The following MBD5 variants were observed in gnomAD, a reference collection of about 807,000 sequenced individuals.
MBD5 encodes methyl-CpG-binding domain protein 5.
Under a neutral mutation model 117.3 loss-of-function variants are expected in MBD5, and 13 were observed. The observed-to-expected ratio is 0.11, with a 90% CI of 0.07 to 0.18. The LOEUF is 0.18. Ranked by LOEUF, MBD5 falls within the 10% of genes least tolerant of loss-of-function variation. The probability of loss-of-function intolerance (pLI) is 1.00; values close to 1 mark genes in which losing one functional copy is unlikely to be tolerated. For synonymous variants in MBD5, 727 were observed against 766.4 expected (o/e 0.95, Z 0.85); for missense variants, 1,879 against 2,093.8 (o/e 0.90, Z 2.00).
chr2:148,075,094 A>G (rs888689006), intron 1 of MBD5, among the ~76,000 whole-genome samples: 3 of 152,112 alleles, frequency 2.0e-5, no homozygotes, highest in African/African-American at 7.2e-5. Flanking sequence ...GCTTTGTGGG[A>G]AGAGATTATT....
At chr2:148,274,927 T>C (rs903768270) in intron 3 of MBD5, among the ~76,000 whole-genome samples, 3 of 152,126 alleles carry the variant, frequency 2.0e-5, no homozygotes, top group African/African-American at 7.2e-5. Context: ...TTCACCATGT[T>C]AGCCAGACTG....
rs746401724 is a variant in MBD5, at chr2:148,468,594, C to G, written c.651C>G (p.Ser217Arg). The G allele has an allele frequency of 1.9e-6, 3 of 1,613,880 alleles. No individual in the cohort carries two copies. Among genetic ancestry groups the G allele is most frequent in the Admixed American group, 1.7e-5 (1 of 59,968 alleles). ...GACAGAAATCTCCATTCCGTGGCAG[C>G]CATGGAGGCCTGCCCAGCCCAGCGT... ...EHGQKSPFRG[S>R]HGGLPSPASS... is the part of the protein sequence containing the mutation. The change falls in exon 8 of 14, where the codon AGC becomes AGG. Residue 217 changes from serine (S) to arginine (R), a missense_variant. Ser to Arg is a moderately radical substitution (Grantham distance 110). Transcript: ENST00000642680.
intron 1 of MBD5, among the ~76,000 whole-genome samples, chr2:148,170,709 A>AAT (rs777236575): frequency 5.3e-5 from 8 of 152,226 alleles, no homozygotes; most frequent in Non-Finnish European, 1.2e-4. Context: ...GATATAATCC[A>AAT]ATAGCTCAGG....
At chr2:148,419,203 A>G (rs1574404035) in intron 4 of MBD5, among the ~76,000 whole-genome samples, 1 of 152,168 alleles carries the variant, frequency 6.6e-6, no homozygotes, top group East Asian at 1.9e-4. Context: ...CTGGATCCCT[A>G]TCTCTTTCCA....
intron 3 of MBD5, among the ~76,000 whole-genome samples, chr2:148,297,940 C>A (rs776262677): frequency 6.6e-6 from 1 of 152,170 alleles, no homozygotes; most frequent in Non-Finnish European, 1.5e-5. Context: ...TTCTCCTCCC[C>A]CTGGGCAAAA....
chr2:148,438,642 G>A (rs898583220), intron 4 of MBD5, among the ~76,000 whole-genome samples: 6 of 152,090 alleles, frequency 3.9e-5, no homozygotes, highest in Non-Finnish European at 5.9e-5. Flanking sequence ...AGATTTATTA[G>A]GGGACTTGGC....
chr2:148,098,687 T>A (rs1696126531), intron 1 of MBD5, among the ~76,000 whole-genome samples: 1 of 152,166 alleles, frequency 6.6e-6, no homozygotes, highest in South Asian at 2.1e-4. Context: ...GGTATTCTAC[T>A]GTTTCAGAAG....
chr2:148,251,912 A>C (rs1246920377), intron 3 of MBD5, among the ~76,000 whole-genome samples: 3 of 152,204 alleles, frequency 2.0e-5, no homozygotes, highest in African/African-American at 7.2e-5. Flanking sequence ...ATTGTATTAG[A>C]TAAATGAGTA....
intron 4 of MBD5, among the ~76,000 whole-genome samples, chr2:148,431,956 C>T (rs1292957588): frequency 6.6e-6 from 1 of 152,114 alleles, no homozygotes; most frequent in African/African-American, 2.4e-5. Context: ...TGAGAAATCA[C>T]CAAACTGCTT....
intron 4 of MBD5, among the ~76,000 whole-genome samples, chr2:148,432,827 T>C (rs115493952): frequency 0.048 from 7,292 of 152,258 alleles, 314 homozygotes; most frequent in Admixed American, 0.096. Context: ...TTCTTTTTCC[T>C]TAGGAGTGCT....
At chr2:148,204,084 A>T (rs566465288) in intron 2 of MBD5, among the ~76,000 whole-genome samples, 16 of 152,208 alleles carry the variant, frequency 1.1e-4, no homozygotes, top group African/African-American at 3.8e-4. Context: ...GAGAAAAGAG[A>T]AGAGAAAAAA....
chr2:148,098,916 G>A (rs1306075862), intron 1 of MBD5, among the ~76,000 whole-genome samples: 6 of 152,020 alleles, frequency 3.9e-5, no homozygotes, highest in South Asian at 2.1e-4. Flanking sequence ...TTAGCCAGGC[G>A]TGGTGGGACA....
At chr2:148,090,112 T>C (rs1204125175) in intron 1 of MBD5, among the ~76,000 whole-genome samples, 1 of 151,906 alleles carries the variant, frequency 6.6e-6, no homozygotes, top group Non-Finnish European at 1.5e-5. Flanking sequence ...CCTGGAAATA[T>C]ACAAGCCTCC....
intron 4 of MBD5, among the ~76,000 whole-genome samples, chr2:148,374,466 AGTT>A (rs759350687): frequency 1.3e-5 from 2 of 152,246 alleles, no homozygotes; most frequent in African/African-American, 2.4e-5. Context: ...TGAGATATCC[AGTT>A]GTTGTTTTTT....
chr2:148,049,743 G>GCTTCTTT (rs1010933563), intron 1 of MBD5, among the ~76,000 whole-genome samples: 6 of 152,006 alleles, frequency 3.9e-5, no homozygotes, highest in Non-Finnish European at 8.8e-5. Context: ...ATATCGTCTG[G>GCTTCTTT]CAACTTCTAG....
intron 2 of MBD5, among the ~76,000 whole-genome samples, chr2:148,201,036 A>T (rs1010842725): frequency 6.6e-6 from 1 of 152,200 alleles, no homozygotes; most frequent in Admixed American, 6.5e-5. Context: ...ATTTTTCTTG[A>T]TTACTTTGCC....
intron 1 of MBD5, among the ~76,000 whole-genome samples, chr2:148,093,689 C>G (rs1695995880): frequency 6.6e-6 from 1 of 151,944 alleles, no homozygotes; most frequent in Non-Finnish European, 1.5e-5. Context: ...TTATTCTTAA[C>G]TATATTAGTG....
Position 148,469,820 on chromosome 2 carries a change from C to T in MBD5, c.1877C>T (p.Pro626Leu), listed in dbSNP as rs138721601. ...GHSTLNTMFP[P>L]TANMLLPTGE... ...AGCACTTTAAACACCATGTTCCCTC[C>T]TACTGCCAACATGCTTCTCCCAACA... is the stretch of plus-strand genomic sequence containing the variant. Residue 626 changes from proline (P) to leucine (L), a missense_variant, in exon 8 of 14, where the codon CCT (proline) becomes CTT (leucine). Transcript: ENST00000642680. 5 of 1,613,814 alleles carry T rather than the reference C, an allele frequency of 3.1e-6. No individual in the cohort carries two copies. The highest frequency in any genetic ancestry group is 4.2e-6 in the Non-Finnish European group (5 of 1,179,886).
Position 148,041,839 on chromosome 2 carries a change from A to G in MBD5, c.-925+20155A>G, listed in dbSNP as rs115146946. Among the ~76,000 whole-genome samples the G allele has an allele frequency of 9.0e-3, 1,365 of 152,226 alleles. 16 individuals are homozygous for G. The highest frequency in any genetic ancestry group is 0.034 in the Middle Eastern group (10 of 294). On this transcript the variant is annotated intron_variant, in intron 1 of 13. Transcript: ENST00000642680. ...TAATACCTACTTGCTTGTACTTGAAATTTTTTAAGGGGAACAAACTTTCTT... is the reference window on the plus strand; with the variant it reads ...TAATACCTACTTGCTTGTACTTGAAGTTTTTTAAGGGGAACAAACTTTCTT...
Sources: gnomAD v4.1 joint callset for allele counts (sites outside exome capture counted in the v4.1 genomes callset) on GRCh38, gnomAD v4.1.1 for gene constraint, MANE v1.5 for transcripts, NCBI Gene and HGNC (gene_info 2026-07-23, HGNC 2026-07-21) for gene names.